Variants in PPARGC1A observed in about 807,000 individuals in gnomAD.
PPARGC1A encodes the protein peroxisome proliferator-activated receptor gamma coactivator 1-alpha.
Under a neutral mutation model 88.7 loss-of-function variants are expected in PPARGC1A, and 25 were observed. The observed-to-expected ratio is 0.28, with a 90% CI of 0.21 to 0.39. The LOEUF is 0.39. PPARGC1A is among the 10% of genes least tolerant of loss of function. PPARGC1A has a pLI of 1.00. For synonymous variants in PPARGC1A, 363 were observed against 355.6 expected, an observed-to-expected ratio of 1.02 and a Z score of -0.24; for missense variants, 880 against 968.7, an observed-to-expected ratio of 0.91 and a Z score of 1.22.
intron 2 of PPARGC1A, among the ~76,000 whole-genome samples, chr4:23,852,664 A>G (rs944254503): frequency 6.6e-6 from 1 of 152,064 alleles, no homozygotes; most frequent in Admixed American, 6.6e-5. Flanking sequence ...AAAGCTTAAG[A>G]TCCTATTCGA....
the PPARGC1A span, among the ~76,000 whole-genome samples, chr4:24,446,839 A>G: frequency 6.6e-6 from 1 of 152,048 alleles, no homozygotes; most frequent in South Asian, 2.1e-4. Context: ...ACCTCAGGTG[A>G]TCCACCCGCC....
the PPARGC1A span, among the ~76,000 whole-genome samples, chr4:24,322,293 T>A: frequency 1.3e-5 from 2 of 152,242 alleles, no homozygotes; most frequent in African/African-American, 2.4e-5. Flanking sequence ...GAGTATTTTT[T>A]AAAAAGAAAA....
the PPARGC1A span, among the ~76,000 whole-genome samples, chr4:24,035,718 G>A: frequency 6.6e-6 from 1 of 152,044 alleles, no homozygotes; most frequent in Admixed American, 6.5e-5. Context: ...ACTTTTCTTT[G>A]GGAGTTATAG....
the PPARGC1A span, among the ~76,000 whole-genome samples, chr4:24,248,733 A>G: frequency 5.4e-4 from 82 of 152,320 alleles, 1 homozygote; most frequent in East Asian, 0.015. Context: ...AGGTTAATGC[A>G]TGAGGCTGAT....
chr4:24,337,859 T>C, the PPARGC1A span, among the ~76,000 whole-genome samples: 1 of 152,218 alleles, frequency 6.6e-6, no homozygotes, highest in East Asian at 1.9e-4. Flanking sequence ...CCCCCAAGAC[T>C]TGAGCTCCGA....
At chr4:23,844,484 T>C (rs1409922727) in intron 2 of PPARGC1A, among the ~76,000 whole-genome samples, 2 of 35,568 alleles carry the variant, frequency 5.6e-5, no homozygotes, top group African/African-American at 3.1e-4. Context: ...TAATATATTA[T>C]AATAATCATA....
intron 12 of PPARGC1A, among the ~76,000 whole-genome samples, chr4:23,799,123 CCT>C (rs1326663312): frequency 1.3e-5 from 2 of 152,050 alleles, no homozygotes; most frequent in African/African-American, 2.4e-5. Flanking sequence ...GCTCCTAACC[CCT>C]GAGTCCAGTA....
chr4:23,813,936 T>A lies in PPARGC1A; in HGVS notation c.1547A>T (p.Asp516Val). ...AMDGLFDDSEDESDKLSYPWD... is the reference protein window; with the variant it reads ...AMDGLFDDSEVESDKLSYPWD... ...AGGGTAGCTCAGTTTATCACTTTCA[T>A]CTTCGCTGTCATCAAACAGGCCATC... Residue 516 changes from aspartate (D) to valine (V), a missense_variant, in exon 8 of 13, where the codon GAT (aspartate) becomes GTT (valine). By Grantham distance (152) the Asp-to-Val change is radical. Transcript: ENST00000264867. 2.5e-6 allele frequency: 4 copies of A among 1,614,056 alleles called. No individual in the cohort carries two copies. The highest frequency in any genetic ancestry group is 3.4e-6 in the Non-Finnish European group (4 of 1,179,942).
the PPARGC1A span, among the ~76,000 whole-genome samples, chr4:23,979,493 G>C: frequency 5.3e-5 from 8 of 152,136 alleles, no homozygotes; most frequent in African/African-American, 1.9e-4. Context: ...ACAATTTGGG[G>C]GATGGAGGTT....
chr4:24,063,773 G>A, the PPARGC1A span, among the ~76,000 whole-genome samples: 1 of 152,174 alleles, frequency 6.6e-6, no homozygotes, highest in Non-Finnish European at 1.5e-5. Context: ...ACAGTCACCT[G>A]CAAGTCTGCT....
chr4:23,871,758 C>T (rs1713418194), intron 2 of PPARGC1A, among the ~76,000 whole-genome samples: 1 of 152,014 alleles, frequency 6.6e-6, no homozygotes, highest in Admixed American at 6.6e-5. Flanking sequence ...AGCCAAGAGC[C>T]CATGGAAAAA....
At chr4:24,201,889 TCA>T in the PPARGC1A span, among the ~76,000 whole-genome samples, 1 of 152,042 alleles carries the variant, frequency 6.6e-6, no homozygotes, top group South Asian at 2.1e-4. Flanking sequence ...AAAATATTCT[TCA>T]GTTTGGTTAT....
At chr4:24,203,932 C>T in the PPARGC1A span, among the ~76,000 whole-genome samples, 4 of 152,176 alleles carry the variant, frequency 2.6e-5, no homozygotes, top group Non-Finnish European at 5.9e-5. Context: ...AAGTTGCTAG[C>T]GTAGAGCATA....
chr4:24,376,792 T>C, the PPARGC1A span, among the ~76,000 whole-genome samples: 1 of 152,206 alleles, frequency 6.6e-6, no homozygotes, highest in African/African-American at 2.4e-5. Context: ...TGATCACGTA[T>C]CCATTTGTTA....
the PPARGC1A span, among the ~76,000 whole-genome samples, chr4:24,291,835 A>G: frequency 5.2e-3 from 799 of 152,366 alleles, 5 homozygotes; most frequent in African/African-American, 0.018. Flanking sequence ...AAACCAGTGA[A>G]GAGTGGAAGA....
chr4:23,941,653 G>T, the PPARGC1A span, among the ~76,000 whole-genome samples: 1 of 152,158 alleles, frequency 6.6e-6, no homozygotes, highest in Admixed American at 6.5e-5. Context: ...TTGCTTTTTA[G>T]AGCAGGAATT....
chr4:24,394,352 A>C, the PPARGC1A span, among the ~76,000 whole-genome samples: 1 of 152,166 alleles, frequency 6.6e-6, no homozygotes, highest in Non-Finnish European at 1.5e-5. Context: ...ATACAAGGAG[A>C]GAGAAGGCAG....
chr4:24,150,627 C>T, the PPARGC1A span, among the ~76,000 whole-genome samples: 7 of 152,102 alleles, frequency 4.6e-5, no homozygotes, highest in Admixed American at 2.6e-4. Flanking sequence ...CCAAAAACCC[C>T]GCCTACTGCA....
At position 23,884,830 on chromosome 4, in the gene PPARGC1A, C is replaced by A. The variant is rs1451225748; in HGVS notation, c.156G>T (p.Leu52=). 6.2e-7 allele frequency: 1 copy of A among 1,613,886 alleles called. No individual in the cohort carries two copies. Among genetic ancestry groups the A allele is most frequent in the Non-Finnish European group, 8.5e-7 (1 of 1,179,890 alleles). ...DVNDLDTDSF[L]GGLKWCSDQS... ...GGTCACTGCACCACTTGAGTCCACC[C>A]AGAAAGCTGTCTGTATCCAAGTCGT... is the stretch of plus-strand genomic sequence containing the variant. Residue 52 remains leucine (L), a synonymous_variant, in exon 2 of 13, where the codon CTG becomes CTT. Coordinates refer to ENST00000264867, the MANE Select transcript of PPARGC1A (RefSeq NM_013261.5).
Sources: allele counts gnomAD v4.1 joint callset (sites outside exome capture counted in the v4.1 genomes callset), GRCh38; gene constraint gnomAD v4.1.1; transcripts MANE v1.5; gene names NCBI Gene and HGNC (gene_info 2026-07-23, HGNC 2026-07-21).